DOCK8: variants seen among roughly 807,000 people sequenced by gnomAD.
DOCK8 encodes dedicator of cytokinesis 8.
In DOCK8, 141 loss-of-function variants were observed where a neutral mutation model predicts 245.6. The ratio of observed to expected loss-of-function variants is 0.57; its 90% CI spans 0.50 to 0.66. The LOEUF is 0.66. Ranked by LOEUF, DOCK8 falls within the 30% of genes least tolerant of loss-of-function variation. The probability of loss-of-function intolerance (pLI) is 0.00; values close to 1 mark genes in which losing one functional copy is unlikely to be tolerated. For synonymous variants in DOCK8, 1,168 were observed against 970.2 expected, an observed-to-expected ratio of 1.20 and a Z score of -3.79; for missense variants, 2,965 against 2,603.4, an observed-to-expected ratio of 1.14 and a Z score of -3.02.
chr9:256,171 A>T (rs2047769391), intron 1 of DOCK8, among the ~76,000 whole-genome samples: 1 of 152,212 alleles, frequency 6.6e-6, no homozygotes, highest in African/African-American at 2.4e-5. Context: ...TAGTGGATAG[A>T]TCACAAGAAC....
At chr9:444,147 G>A (rs548899856) in intron 43 of DOCK8, among the ~76,000 whole-genome samples, 1 of 152,060 alleles carries the variant, frequency 6.6e-6, no homozygotes, top group South Asian at 2.1e-4. Flanking sequence ...TGGGTGTACA[G>A]TTCTGATGCT....
At chr9:239,198 T>G (rs1250216603) in intron 1 of DOCK8, among the ~76,000 whole-genome samples, 2 of 152,174 alleles carry the variant, frequency 1.3e-5, no homozygotes, top group Admixed American at 6.5e-5. Context: ...CTGAAACACA[T>G]ACACACACGC....
intron 2 of DOCK8, chr9:277,041 T>A: frequency 3.7e-6 from 1 of 273,898 alleles, no homozygotes; most frequent in Non-Finnish European, 7.9e-6. Flanking sequence ...ACTCCTGAGC[T>A]TCAGTGATCT....
At chr9:231,980 C>T (rs901757155) in intron 1 of DOCK8, among the ~76,000 whole-genome samples, 2 of 152,140 alleles carry the variant, frequency 1.3e-5, no homozygotes, top group African/African-American at 4.8e-5. Context: ...TGCCCGTTTT[C>T]AAAGGGAATG....
chr9:215,288 C>T (rs199914759), intron 1 of DOCK8: 23 of 1,608,712 alleles, frequency 1.4e-5, no homozygotes, highest in Non-Finnish European at 1.2e-5. Context: ...GGATCCCTTC[C>T]CCGAACAACC....
chr9:306,309 G>A (rs548513554), intron 5 of DOCK8, among the ~76,000 whole-genome samples: 2 of 152,226 alleles, frequency 1.3e-5, no homozygotes, highest in Non-Finnish European at 2.9e-5. Flanking sequence ...CATTTCCAGC[G>A]CTAAATATGA....
At chr9:349,187 TG>T (rs1672237526) in intron 14 of DOCK8, among the ~76,000 whole-genome samples, 1 of 152,222 alleles carries the variant, frequency 6.6e-6, no homozygotes, top group African/African-American at 2.4e-5. Flanking sequence ...GACTGTGTTT[TG>T]ACAGCGTAAT....
chr9:251,636 G>T (rs1165000760), intron 1 of DOCK8, among the ~76,000 whole-genome samples: 1 of 152,150 alleles, frequency 6.6e-6, no homozygotes, highest in East Asian at 1.9e-4. Context: ...TTCCTTCTCT[G>T]TGTGTACCAG....
At chr9:325,246 C>T (rs563644491) in intron 7 of DOCK8, among the ~76,000 whole-genome samples, 32 of 152,222 alleles carry the variant, frequency 2.1e-4, no homozygotes, top group African/African-American at 7.7e-4. Flanking sequence ...GTTGTTGGTT[C>T]CATATCTTTG....
intron 2 of DOCK8, among the ~76,000 whole-genome samples, chr9:280,366 T>C (rs1022885651): frequency 3.3e-5 from 5 of 152,300 alleles, no homozygotes; most frequent in Admixed American, 1.3e-4. Context: ...GTTTGTTGAA[T>C]GAATGAAAGG....
intron 38 of DOCK8, 137 bp downstream of exon 38, chr9:434,112 A>C: frequency 1.4e-6 from 1 of 702,902 alleles, no homozygotes; most frequent in Admixed American, 2.2e-5. Flanking sequence ...TATAGAAATT[A>C]AACATTCAGA....
chr9:343,219 G>T (rs1488045262), intron 14 of DOCK8, among the ~76,000 whole-genome samples: 1 of 152,122 alleles, frequency 6.6e-6, no homozygotes, highest in Non-Finnish European at 1.5e-5. Context: ...CAGCGAGGTG[G>T]CCAGACACAG....
intron 1 of DOCK8, among the ~76,000 whole-genome samples, chr9:263,699 A>G (rs2047973860): frequency 6.6e-6 from 1 of 152,152 alleles, no homozygotes; most frequent in South Asian, 2.1e-4. Flanking sequence ...TTCATTACTT[A>G]TGAAGAATAT....
chr9:272,359 A>T (rs1409576628), intron 2 of DOCK8, among the ~76,000 whole-genome samples: 1 of 152,078 alleles, frequency 6.6e-6, no homozygotes, highest in East Asian at 1.9e-4. Flanking sequence ...CTCTATCTGG[A>T]GCTTCATATC....
chr9:254,858 A>G, intron 1 of DOCK8, among the ~76,000 whole-genome samples: 1 of 152,172 alleles, frequency 6.6e-6, no homozygotes, highest in East Asian at 1.9e-4. Flanking sequence ...CTACATCTGA[A>G]CCCTTGGCGT....
chr9:443,608 TCC>T, intron 43 of DOCK8, 92 bp downstream of exon 43: 1 of 1,020,984 alleles, frequency 9.8e-7, no homozygotes, highest in Non-Finnish European at 1.5e-6. Flanking sequence ...ATCTGGACTC[TCC>T]AAGTCACTTA....
chr9:324,503 AAAT>A (rs2050668518), intron 7 of DOCK8, among the ~76,000 whole-genome samples: 1 of 152,138 alleles, frequency 6.6e-6, no homozygotes, highest in Non-Finnish European at 1.5e-5. Flanking sequence ...TACTAAAGGC[AAAT>A]AATGCACCAG....
At chr9:212,502 G>C (rs1333271265), upstream of DOCK8, among the ~76,000 whole-genome samples, 2 of 152,200 alleles carry the variant, frequency 1.3e-5, no homozygotes, top group East Asian at 1.9e-4. Flanking sequence ...GTGAGAATAA[G>C]GAAGAAAGGC....
chr9:213,679 G>A (rs956259284), upstream of DOCK8: 2 of 151,784 alleles, frequency 1.3e-5, no homozygotes, highest in Non-Finnish European at 2.9e-5. Context: ...TGTGGCTAGT[G>A]GCTATCATAT....
Sources: allele counts gnomAD v4.1 joint callset (sites outside exome capture counted in the v4.1 genomes callset), GRCh38; gene constraint gnomAD v4.1.1; transcripts MANE v1.5; gene names NCBI Gene and HGNC (gene_info 2026-07-23, HGNC 2026-07-21).